The following NUSAP1 variants were observed in gnomAD, a reference collection of about 807,000 sequenced individuals.
The protein encoded by NUSAP1 is nucleolar and spindle associated protein 1.
A neutral mutation model predicts 52.8 loss-of-function variants in NUSAP1; 32 were observed. The observed-to-expected ratio is 0.61, with a 90% CI of 0.46 to 0.81. NUSAP1 has a LOEUF of 0.81. NUSAP1 is among the 40% of genes least tolerant of loss of function. The pLI, the probability that NUSAP1 is intolerant of heterozygous loss-of-function variation, is 0.00. For missense variants in NUSAP1, 499 were observed against 522.3 expected, an observed-to-expected ratio of 0.96 and a Z score of 0.43; for synonymous variants, 195 against 183.1, an observed-to-expected ratio of 1.06 and a Z score of -0.52.
rs921565325 is a variant in NUSAP1, at chr15:41,377,495, C to T, written c.1232+191C>T. Among the ~76,000 whole-genome samples, 16 of 149,144 alleles carry T rather than the reference C, an allele frequency of 1.1e-4. 1 individual carries two copies. Among genetic ancestry groups the T allele is most frequent in the Admixed American group, 6.7e-4 (10 of 14,890 alleles). On this transcript the variant is annotated intron_variant, in intron 10 of 10. Coordinates refer to ENST00000559596, the MANE Select transcript of NUSAP1 (RefSeq NM_016359.5). ...TGGGCGGAACACGAGGTCAGGAGAT[C>T]GAAACCATCCTGGCTAACACGGTGA...
chr15:41,353,750 GACTCAT>G (rs1218835791), intron 4 of NUSAP1, among the ~76,000 whole-genome samples: 1 of 152,170 alleles, frequency 6.6e-6, no homozygotes, highest in African/African-American at 2.4e-5. Context: ...TGTAAGATTA[GACTCAT>G]AGCTCTATAG....
chr15:41,370,084 G>A (rs1249754100), intron 7 of NUSAP1, among the ~76,000 whole-genome samples: 1 of 146,922 alleles, frequency 6.8e-6, no homozygotes. Flanking sequence ...AAAGAAGAAA[G>A]AAAGAAAGAC....
rs1487573038 is a variant in NUSAP1 at position 41,365,690 on chromosome 15, G to A, written c.848+101G>A. ...CAAATAATATTCGTACATACTCATA[G>A]GGTACATAGTGATGTTTCTTTTCTT... On this transcript the variant is annotated intron_variant, in intron 7 of 10. Coordinates refer to ENST00000559596, the MANE Select transcript of NUSAP1 (RefSeq NM_016359.5). 3 of 755,576 alleles carry A rather than the reference G, an allele frequency of 4.0e-6. No individual in the cohort carries two copies. In the African/African-American group the frequency reaches 5.4e-5, roughly 14 times the overall value. The allele number at this position is 755,576 out of a possible 1,614,324, so 46.8% of individuals were successfully genotyped here.
chr15:41,360,868 C>T (rs2049147500), intron 6 of NUSAP1, among the ~76,000 whole-genome samples: 1 of 148,352 alleles, frequency 6.7e-6, no homozygotes, highest in Admixed American at 6.9e-5. Flanking sequence ...GATCTTGGCT[C>T]ACTGCAACCT....
intron 1 of NUSAP1, among the ~76,000 whole-genome samples, chr15:41,341,059 A>G (rs1334960637): frequency 6.6e-6 from 1 of 152,060 alleles, no homozygotes; most frequent in Non-Finnish European, 1.5e-5. Flanking sequence ...GAACCCAACC[A>G]AAAAACTTGA....
rs578038545 is a variant in NUSAP1 at position 41,348,209 on chromosome 15, A to C, written c.163-889A>C. Among the ~76,000 whole-genome samples the C allele has an allele frequency of 2.9e-3, 441 of 152,254 alleles. 8 individuals are homozygous for C. Among genetic ancestry groups the C allele is most frequent in the Non-Finnish European group, 9.3e-4 (63 of 67,994 alleles). On this transcript the variant is annotated intron_variant, in intron 2 of 10. Coordinates refer to ENST00000559596, the MANE Select transcript of NUSAP1 (RefSeq NM_016359.5). ...AACTCCTGGCTTAGCCTCCTGAGTA[A>C]CTGGGATTACAGGCACTTGCCACCA...
At chr15:41,379,843 C>T (rs1023313183) in intron 10 of NUSAP1, among the ~76,000 whole-genome samples, 2 of 152,162 alleles carry the variant, frequency 1.3e-5, no homozygotes, top group African/African-American at 2.4e-5. Context: ...CATCGCGCCC[C>T]GGCCTCCATG....
intron 1 of NUSAP1, among the ~76,000 whole-genome samples, chr15:41,336,815 TTTC>T (rs2048168978): frequency 6.6e-6 from 1 of 150,990 alleles, no homozygotes. Flanking sequence ...CCTGGCCCAT[TTTC>T]TTCTTAGTCA....
chr15:41,369,333 T>C (rs1430945587), intron 7 of NUSAP1, among the ~76,000 whole-genome samples: 1 of 152,164 alleles, frequency 6.6e-6, no homozygotes, highest in Non-Finnish European at 1.5e-5. Context: ...GTACCTGTAA[T>C]TGGTGGTTCT....
Position 41,365,559 on chromosome 15 carries a change from C to T in NUSAP1, c.818C>T (p.Ser273Phe), listed in dbSNP as rs1480661237. 6.2e-7 allele frequency: 1 copy of T among 1,605,970 alleles called. No individual in the cohort carries two copies. Among genetic ancestry groups the T allele is most frequent in the Admixed American group, 1.7e-5 (1 of 59,138 alleles). Reference sequence around the variant, plus strand: ...GGTCTGAAGGGGTCACTCAAGCGCTCTGCTATCTCTGCAGCTAAAACGGGT... The same window carrying T: ...GGTCTGAAGGGGTCACTCAAGCGCTTTGCTATCTCTGCAGCTAAAACGGGT... The part of the protein sequence containing the change: ...TLGLKGSLKR[S>F]AISAAKTGVR... The change falls in exon 7 of 11, where the codon TCT becomes TTT. Residue 273 changes from serine (S) to phenylalanine (F), a missense_variant. Transcript: ENST00000559596.
chr15:41,366,126 T>C (rs977688423), intron 7 of NUSAP1, among the ~76,000 whole-genome samples: 1 of 152,124 alleles, frequency 6.6e-6, no homozygotes, highest in Admixed American at 6.6e-5. Context: ...ATCCTCCTTC[T>C]AGCTGTTTGA....
At position 41,365,644 on chromosome 15, in the gene NUSAP1, A is replaced by T. The variant is rs556663830; in HGVS notation, c.848+55A>T. The T allele has an allele frequency of 9.1e-5, 106 of 1,170,784 alleles. 3 individuals are homozygous for T. In the South Asian group the frequency reaches 1.4e-3, roughly 16 times the overall value. 72.5% of individuals were successfully genotyped at this position (1,170,784 alleles called of 1,614,324 possible). ...GAACAAGATTTCACATGGACTATAT[A>T]AAAAAAAAATTTTTAATTGGCAAAT... is the stretch of plus-strand genomic sequence containing the variant. On this transcript the variant is annotated intron_variant, in intron 7 of 10. Coordinates refer to ENST00000559596, the MANE Select transcript of NUSAP1 (RefSeq NM_016359.5).
chr15:41,380,243 A>ATT lies in NUSAP1; in HGVS notation c.*68_*69dup, dbSNP rs11376196. On this transcript the variant is annotated 3_prime_UTR_variant, in exon 11 of 11. Coordinates refer to ENST00000559596, the MANE Select transcript of NUSAP1 (RefSeq NM_016359.5). ...ATTCTCAACTTTTTTCCTTTTGTAA[A>ATT]TTTTTTTTTTTTGCTGTCATCCCCA... is the stretch of plus-strand genomic sequence containing the variant. 9.9e-3 allele frequency: 10,430 copies of ATT among 1,048,638 alleles called. 2 individuals are homozygous for ATT. The highest frequency in any genetic ancestry group is 0.025 in the East Asian group (831 of 33,304). The allele number at this position is 1,048,638 out of a possible 1,614,324, so 65.0% of individuals were successfully genotyped here. A position where few individuals can be genotyped will look rare whatever the true frequency, so the allele number is the denominator to read the frequency against.
intron 1 of NUSAP1, among the ~76,000 whole-genome samples, chr15:41,336,850 A>G (rs962579445): frequency 1.3e-5 from 2 of 151,192 alleles, no homozygotes; most frequent in Admixed American, 6.6e-5. Context: ...ACTTTTGAGG[A>G]TAATTACTTT....
At chr15:41,363,670 G>A (rs1461943776) in intron 6 of NUSAP1, among the ~76,000 whole-genome samples, 1 of 152,036 alleles carries the variant, frequency 6.6e-6, no homozygotes, top group East Asian at 1.9e-4. Context: ...ACCAGATTAT[G>A]TTTATTTCTA....
At chr15:41,345,867 C>A (rs1440837696) in intron 2 of NUSAP1, among the ~76,000 whole-genome samples, 1 of 152,128 alleles carries the variant, frequency 6.6e-6, no homozygotes, top group African/African-American at 2.4e-5. Flanking sequence ...GTTCAAAGGT[C>A]CATCTGGATG....
At chr15:41,354,517 A>G (rs2140661369) in intron 4 of NUSAP1, among the ~76,000 whole-genome samples, 1 of 151,886 alleles carries the variant, frequency 6.6e-6, no homozygotes, top group East Asian at 1.9e-4. Flanking sequence ...CAAACAAATG[A>G]CAACAACCAA....
At position 41,380,089 on chromosome 15, in the gene NUSAP1, T is replaced by G. The variant is rs2050149978; in HGVS notation, c.1233-4T>G. The G allele has an allele frequency of 6.4e-7, 1 of 1,571,292 alleles. No homozygotes were observed. Among genetic ancestry groups the G allele is most frequent in the Admixed American group, 1.9e-5 (1 of 53,004 alleles). On this transcript the variant is annotated splice_region_variant and splice_polypyrimidine_tract_variant and intron_variant, in intron 10 of 10. Transcript: ENST00000559596. ...GAGCTTAATGTGTGACCTATCCCTC[T>G]CAGGGAAGAGCAACGGAAGAAACGC...
At chr15:41,356,428 C>T (rs2048975332) in intron 5 of NUSAP1, among the ~76,000 whole-genome samples, 1 of 145,728 alleles carries the variant, frequency 6.9e-6, no homozygotes, top group African/African-American at 2.6e-5. Context: ...GAGCTTGGCT[C>T]ACTGCTACCT....
Sources: allele counts gnomAD v4.1 joint callset (sites outside exome capture counted in the v4.1 genomes callset), GRCh38; gene constraint gnomAD v4.1.1; transcripts MANE v1.5; gene names NCBI Gene and HGNC (gene_info 2026-07-23, HGNC 2026-07-21).